WDPCP: variants seen among roughly 807,000 people sequenced by gnomAD.
WDPCP encodes the protein WD repeat containing planar cell polarity effector.
Under a neutral mutation model 93.1 loss-of-function variants are expected in WDPCP, and 71 were observed. That is an observed-to-expected ratio of 0.76 (90% CI 0.63 to 0.93). The LOEUF (loss-of-function observed/expected upper bound fraction) is 0.93. Ranked by LOEUF, WDPCP falls within the 40% of genes least tolerant of loss-of-function variation. The probability of loss-of-function intolerance (pLI) is 0.00; values close to 1 mark genes in which losing one functional copy is unlikely to be tolerated. For synonymous variants in WDPCP, 315 were observed against 315.0 expected (o/e 1.00, Z 0.00); for missense variants, 844 against 887.4 (o/e 0.95, Z 0.62).
At chr2:63,211,820 G>C (rs532545062) in intron 14 of WDPCP, among the ~76,000 whole-genome samples, 3 of 152,146 alleles carry the variant, frequency 2.0e-5, no homozygotes, top group African/African-American at 7.2e-5. Flanking sequence ...TATGTGATGC[G>C]TGCACAAGCT....
intron 2 of WDPCP, among the ~76,000 whole-genome samples, chr2:63,780,301 T>C (rs1670367815): frequency 6.6e-6 from 1 of 152,160 alleles, no homozygotes; most frequent in Non-Finnish European, 1.5e-5. Context: ...TCAACACATT[T>C]TAGTTTGATG....
chr2:63,251,514 C>CA (rs1680722299), intron 14 of WDPCP, among the ~76,000 whole-genome samples: 1 of 105,068 alleles, frequency 9.5e-6, no homozygotes, highest in Non-Finnish European at 1.8e-5. Flanking sequence ...TTTTTTGAGA[C>CA]AGAGTCTCGC....
chr2:63,350,976 T>TTTA (rs3048702), intron 12 of WDPCP, among the ~76,000 whole-genome samples: 113,152 of 147,760 alleles, frequency 0.77, 43,873 homozygotes, highest in East Asian at 0.89. Context: ...TCAACATTTA[T>TTTA]TTATTATTAT....
At chr2:63,820,352 T>G (rs1430553443) in intron 1 of WDPCP, among the ~76,000 whole-genome samples, 1 of 152,172 alleles carries the variant, frequency 6.6e-6, no homozygotes, top group Non-Finnish European at 1.5e-5. Flanking sequence ...ATTAGTAATC[T>G]GAGAGACAGA....
intron 1 of WDPCP, among the ~76,000 whole-genome samples, chr2:63,819,271 A>C (rs1459270554): frequency 6.6e-6 from 1 of 152,152 alleles, no homozygotes; most frequent in Non-Finnish European, 1.5e-5. Flanking sequence ...ATTAGGATTA[A>C]AATTTTGATC....
chr2:63,509,363 T>G (rs1450478121), intron 1 of WDPCP, among the ~76,000 whole-genome samples: 3 of 152,016 alleles, frequency 2.0e-5, no homozygotes, highest in Non-Finnish European at 2.9e-5. Flanking sequence ...AAGGCAGAAA[T>G]AAATAAGTTC....
At chr2:63,424,938 A>G (rs1696153153) in intron 9 of WDPCP, among the ~76,000 whole-genome samples, 1 of 152,230 alleles carries the variant, frequency 6.6e-6, no homozygotes, top group South Asian at 2.1e-4. Flanking sequence ...CCTACACCAC[A>G]GAGAGATGCT....
chr2:63,212,606 C>T lies in WDPCP; in HGVS notation c.1916-37774G>A, dbSNP rs892497665. The stretch of plus-strand genomic sequence containing the variant: ...AACATCATAATGACAGGAACAAATT[C>T]ACACATAACAATATTAACCTTACAT... On this transcript the variant is annotated intron_variant, in intron 14 of 17. Transcript: ENST00000272321. Among the ~76,000 whole-genome samples the T allele has an allele frequency of 2.9e-4, 44 of 152,224 alleles. 1 individual carries two copies. The highest frequency in any genetic ancestry group is 9.2e-4 in the African/African-American group (38 of 41,524).
chr2:63,346,284 G>A lies in WDPCP; in HGVS notation c.1748+32102C>T, dbSNP rs1283444324. Among the ~76,000 whole-genome samples, 3 of 152,130 alleles carry A rather than the reference G, an allele frequency of 2.0e-5. No individual in the cohort carries two copies. In the East Asian group the frequency reaches 5.8e-4, roughly 29 times the overall value. ...GGGAGAGTAAGAATCATCTGAAGCCGAGATGAGATGCAGTGACAGTGGGTT... is the reference window on the plus strand; with the variant it reads ...GGGAGAGTAAGAATCATCTGAAGCCAAGATGAGATGCAGTGACAGTGGGTT... On this transcript the variant is annotated intron_variant, in intron 12 of 17. Transcript: ENST00000272321.
At chr2:63,240,750 T>C (rs1050490331) in intron 14 of WDPCP, among the ~76,000 whole-genome samples, 6 of 152,130 alleles carry the variant, frequency 3.9e-5, no homozygotes, top group Non-Finnish European at 8.8e-5. Flanking sequence ...GTCTAATAAG[T>C]AAAGCAGAGA....
At chr2:63,305,155 G>T (rs553379097) in intron 13 of WDPCP, among the ~76,000 whole-genome samples, 1 of 152,256 alleles carries the variant, frequency 6.6e-6, no homozygotes, top group East Asian at 1.9e-4. Flanking sequence ...GGGAAAGGGC[G>T]ACTTTGGGCA....
intron 17 of WDPCP, among the ~76,000 whole-genome samples, chr2:63,127,458 AG>A (rs1669992802): frequency 6.6e-6 from 1 of 151,950 alleles, no homozygotes; most frequent in Non-Finnish European, 1.5e-5. Context: ...TTTAGAGGAA[AG>A]AATGAGAATA....
Position 63,379,983 on chromosome 2 carries a change from T to A in WDPCP, c.1625-1474A>T, listed in dbSNP as rs558514937. 5.9e-5 allele frequency among the ~76,000 whole-genome samples: 9 copies of A among 152,282 alleles called. No individual in the cohort carries two copies. In the South Asian group the frequency reaches 1.9e-3, roughly 32 times the overall value. ...TTTTTATTTCCCTATCTCCCCAATA[T>A]GGTTCCTTGAAAATATACTTTATTA... On this transcript the variant is annotated intron_variant, in intron 11 of 17. Coordinates refer to ENST00000272321, the MANE Select transcript of WDPCP (RefSeq NM_015910.7).
At chr2:63,433,664 A>G (rs1486205215) in intron 9 of WDPCP, 81 bp downstream of exon 9, 1 of 1,319,558 alleles carries the variant, frequency 7.6e-7, no homozygotes, top group Non-Finnish European at 1.0e-6. Flanking sequence ...AAAAATATTC[A>G]CATTTATTTC....
chr2:63,526,517 C>A (rs1408558544), intron 1 of WDPCP, among the ~76,000 whole-genome samples: 3 of 152,170 alleles, frequency 2.0e-5, no homozygotes, highest in Non-Finnish European at 4.4e-5. Context: ...ACTCAAACCT[C>A]TTGCCATGAC....
chr2:63,543,834 A>G lies in WDPCP; in HGVS notation c.75+44363T>C, dbSNP rs562365209. Among the ~76,000 whole-genome samples the G allele has an allele frequency of 2.7e-3, 411 of 152,246 alleles. 5 individuals carry two copies. The highest frequency in any genetic ancestry group is 4.2e-3 in the Non-Finnish European group (285 of 67,964). On this transcript the variant is annotated intron_variant, in intron 1 of 17. Coordinates refer to ENST00000272321, the MANE Select transcript of WDPCP (RefSeq NM_015910.7). ...GAATAATTTGAAATAGTAGAAGGTA[A>G]GCCTCTTTAATTGTAGTCAGAGAGC... is the stretch of plus-strand genomic sequence containing the variant.
intron 6 of WDPCP, among the ~76,000 whole-genome samples, chr2:63,478,948 G>T (rs940398268): frequency 6.6e-6 from 1 of 151,092 alleles, no homozygotes; most frequent in African/African-American, 2.4e-5. Context: ...CCATTAGCAA[G>T]ATTAACCAAG....
intron 2 of WDPCP, among the ~76,000 whole-genome samples, chr2:63,737,841 T>C (rs1261447329): frequency 6.6e-6 from 1 of 152,240 alleles, no homozygotes; most frequent in African/African-American, 2.4e-5. Context: ...ATTGGCAGCC[T>C]GTAGGCTGAA....
chr2:63,790,978 A>C (rs1575773979), intron 2 of WDPCP, among the ~76,000 whole-genome samples: 1 of 152,290 alleles, frequency 6.6e-6, no homozygotes, highest in East Asian at 1.9e-4. Context: ...TTAAAAATTC[A>C]GGAAGAATTA....
Sources: gnomAD v4.1 joint callset for allele counts (sites outside exome capture counted in the v4.1 genomes callset) on GRCh38, gnomAD v4.1.1 for gene constraint, MANE v1.5 for transcripts, NCBI Gene and HGNC (gene_info 2026-07-23, HGNC 2026-07-21) for gene names.